CCDC91: variants seen among roughly 807,000 people sequenced by gnomAD.
CCDC91 encodes coiled-coil domain-containing protein 91.
A neutral mutation model predicts 63.2 loss-of-function variants in CCDC91; 48 were observed. The observed-to-expected ratio is 0.76, with a 90% CI of 0.60 to 0.97. The LOEUF is 0.97. Among genes scored for constraint, CCDC91 ranks in the 50% least tolerant of loss-of-function variants. The pLI, the probability that CCDC91 is intolerant of heterozygous loss-of-function variation, is 0.00. For missense variants in CCDC91, 500 were observed against 494.6 expected (o/e 1.01, Z -0.10); for synonymous variants, 167 against 165.8 (o/e 1.01, Z -0.06).
intron 7 of CCDC91, among the ~76,000 whole-genome samples, chr12:28,387,257 G>A (rs1426476898): frequency 1.3e-5 from 2 of 152,102 alleles, no homozygotes; most frequent in African/African-American, 4.8e-5. Context: ...ACACAATGTT[G>A]AGCCATAGGA....
At chr12:28,202,871 A>C (rs561573175) in intron 1 of CCDC91, among the ~76,000 whole-genome samples, 4 of 152,304 alleles carry the variant, frequency 2.6e-5, no homozygotes, top group East Asian at 3.9e-4. Flanking sequence ...CCCAACTGTT[A>C]CTGCCACCTC....
chr12:28,252,654 A>G (rs1421867736), intron 1 of CCDC91, among the ~76,000 whole-genome samples: 1 of 151,960 alleles, frequency 6.6e-6, no homozygotes, highest in Non-Finnish European at 1.5e-5. Context: ...TTCTGTTGTT[A>G]ACTTTCTGAA....
chr12:28,503,426 C>G (rs1231205165), intron 12 of CCDC91, among the ~76,000 whole-genome samples: 1 of 152,132 alleles, frequency 6.6e-6, no homozygotes, highest in Non-Finnish European at 1.5e-5. Context: ...ATTAAAAAGT[C>G]AGGAAGCAAC....
chr12:28,276,479 A>T (rs961395487), intron 3 of CCDC91, among the ~76,000 whole-genome samples: 4 of 152,032 alleles, frequency 2.6e-5, no homozygotes, highest in African/African-American at 9.7e-5. Context: ...TATAAATTAT[A>T]TGAATGGTGG....
rs747647657 is a variant in CCDC91, at chr12:28,306,741, G to C, written c.268-1G>C. The C allele has an allele frequency of 2.5e-6, 4 of 1,594,088 alleles. No homozygotes were observed. The African/African-American group carries it at 4.1e-5, about 16-fold the overall frequency. ...TGTATTTTTTTTTTTATGTGGTTTA[G>C]ATTCAGCAATCAACACACACTCATC... On this transcript the variant is annotated splice_acceptor_variant, in intron 4 of 12. Transcript: ENST00000536442. LOFTEE classifies it high-confidence loss of function.
At chr12:28,406,657 T>C (rs1946966695) in intron 8 of CCDC91, among the ~76,000 whole-genome samples, 1 of 152,154 alleles carries the variant, frequency 6.6e-6, no homozygotes, top group African/African-American at 2.4e-5. Context: ...TCTTCTGTGG[T>C]TATAATTTGG....
rs145886933 is a variant in CCDC91, at chr12:28,523,091, C to T, written c.1216-25972C>T. ...GAGTTCTGTAGATATCTATTAGGTCCGCCTGGTGCAGAGCTGAATTCAATT... is the reference window on the plus strand; with the variant it reads ...GAGTTCTGTAGATATCTATTAGGTCTGCCTGGTGCAGAGCTGAATTCAATT... On this transcript the variant is annotated intron_variant, in intron 12 of 12. Coordinates refer to ENST00000536442, the MANE Select transcript of CCDC91 (RefSeq NM_018318.5). Among the ~76,000 whole-genome samples the T allele has an allele frequency of 1.3e-3, 203 of 152,142 alleles. 1 individual carries two copies. The highest frequency in any genetic ancestry group is 3.9e-3 in the African/African-American group (162 of 41,516).
chr12:28,327,544 T>A lies in CCDC91; in HGVS notation c.576+19795T>A, dbSNP rs553792774. ...GGCCCTATGTAAATCAGACACCACCTCCTCTAGCAGTCTATAAAAGCCCAT... is the reference window on the plus strand; with the variant it reads ...GGCCCTATGTAAATCAGACACCACCACCTCTAGCAGTCTATAAAAGCCCAT... On this transcript the variant is annotated intron_variant, in intron 6 of 12. Transcript: ENST00000536442. Among the ~76,000 whole-genome samples, 5 of 152,160 alleles carry A rather than the reference T, an allele frequency of 3.3e-5. No individual in the cohort carries two copies. In the South Asian group the frequency reaches 1.0e-3, roughly 32 times the overall value.
At chr12:28,231,078 T>G (rs1944561094) in intron 1 of CCDC91, among the ~76,000 whole-genome samples, 1 of 152,216 alleles carries the variant, frequency 6.6e-6, no homozygotes, top group African/African-American at 2.4e-5. Context: ...CTAGAGGCTC[T>G]AAGAAATAGA....
intron 8 of CCDC91, among the ~76,000 whole-genome samples, chr12:28,414,503 A>G (rs1266490173): frequency 2.0e-5 from 3 of 152,168 alleles, no homozygotes; most frequent in Non-Finnish European, 2.9e-5. Flanking sequence ...TATAATTTAA[A>G]CATTTTATTT....
intron 6 of CCDC91, among the ~76,000 whole-genome samples, chr12:28,357,884 G>A (rs1449509733): frequency 6.6e-6 from 1 of 152,104 alleles, no homozygotes; most frequent in Non-Finnish European, 1.5e-5. Flanking sequence ...TTGACATTTT[G>A]AAAGAAAGTT....
At chr12:28,503,314 G>A (rs1938221198) in intron 12 of CCDC91, among the ~76,000 whole-genome samples, 2 of 152,140 alleles carry the variant, frequency 1.3e-5, no homozygotes, top group African/African-American at 2.4e-5. Context: ...CATTTATGCA[G>A]CCAAAAAACA....
At position 28,535,795 on chromosome 12, in the gene CCDC91, A is replaced by G. The variant is rs1366852546; in HGVS notation, c.1216-13268A>G. Among the ~76,000 whole-genome samples the G allele has an allele frequency of 5.3e-5, 8 of 152,188 alleles. No homozygotes were observed. The South Asian group carries it at 1.5e-3, about 28-fold the overall frequency. On this transcript the variant is annotated intron_variant, in intron 12 of 12. Transcript: ENST00000536442. The stretch of plus-strand genomic sequence containing the variant: ...TGTAATCCCAGCACTTTGGGAGGCC[A>G]AGGTGGGCAGATCATGAGGTCAGGA...
At chr12:28,416,848 C>T (rs1371072233) in intron 8 of CCDC91, among the ~76,000 whole-genome samples, 1 of 152,092 alleles carries the variant, frequency 6.6e-6, no homozygotes, top group Non-Finnish European at 1.5e-5. Flanking sequence ...AATGGTTATA[C>T]ACACACACTT....
At chr12:28,349,709 T>C (rs1943051756) in intron 6 of CCDC91, among the ~76,000 whole-genome samples, 1 of 152,162 alleles carries the variant, frequency 6.6e-6, no homozygotes, top group Non-Finnish European at 1.5e-5. Context: ...TCAGGGCCTT[T>C]ATATTTACTG....
chr12:28,466,486 A>T (rs938058605), intron 11 of CCDC91, among the ~76,000 whole-genome samples: 1 of 152,166 alleles, frequency 6.6e-6, no homozygotes, highest in African/African-American at 2.4e-5. Flanking sequence ...AGCAAATAAC[A>T]TATAATGGAG....
intron 11 of CCDC91, among the ~76,000 whole-genome samples, chr12:28,458,116 G>A (rs917901694): frequency 6.6e-6 from 1 of 151,938 alleles, no homozygotes; most frequent in African/African-American, 2.4e-5. Context: ...AAAGGAAATA[G>A]CATTTCTATT....
chr12:28,282,945 CTATT>C (rs1036208670), intron 3 of CCDC91, among the ~76,000 whole-genome samples: 24 of 152,106 alleles, frequency 1.6e-4, no homozygotes, highest in African/African-American at 5.5e-4. Flanking sequence ...TTTCCCAGTA[CTATT>C]TATTTAATAG....
chr12:28,210,373 T>A (rs2135508437), intron 1 of CCDC91, among the ~76,000 whole-genome samples: 1 of 152,324 alleles, frequency 6.6e-6, no homozygotes, highest in African/African-American at 2.4e-5. Flanking sequence ...TAAGTGCCTA[T>A]TTTTCTTTAA....
Sources: gnomAD v4.1 joint callset for allele counts (sites outside exome capture counted in the v4.1 genomes callset) on GRCh38, gnomAD v4.1.1 for gene constraint, MANE v1.5 for transcripts, NCBI Gene and HGNC (gene_info 2026-07-23, HGNC 2026-07-21) for gene names.